Variants in CORO2B observed in about 807,000 individuals in gnomAD.
The protein encoded by CORO2B is coronin 2B.
CORO2B carries 26 observed loss-of-function variants against 58.8 expected under a neutral mutation model. That is an observed-to-expected ratio of 0.44 (90% CI 0.32 to 0.61). The LOEUF (loss-of-function observed/expected upper bound fraction) is 0.61, where lower values mean the gene tolerates loss of function less well. CORO2B is among the 20% of genes least tolerant of loss of function. The probability of loss-of-function intolerance (pLI) is 0.04; values close to 1 mark genes in which losing one functional copy is unlikely to be tolerated. For synonymous variants in CORO2B, 242 were observed against 253.8 expected (o/e 0.95, Z 0.44); for missense variants, 460 against 645.1 (o/e 0.71, Z 3.11).
intron 2 of CORO2B, among the ~76,000 whole-genome samples, chr15:68,651,602 T>C (rs1901644663): frequency 6.6e-6 from 1 of 152,202 alleles, no homozygotes; most frequent in African/African-American, 2.4e-5. Flanking sequence ...GACAGTCTTG[T>C]CCCTACGCTG....
At chr15:68,532,822 A>T in the CORO2B span, among the ~76,000 whole-genome samples, 1 of 152,204 alleles carries the variant, frequency 6.6e-6, no homozygotes, top group African/African-American at 2.4e-5. Context: ...TTAAATCTTT[A>T]TTAGGGCAGC....
intron 1 of CORO2B, among the ~76,000 whole-genome samples, chr15:68,588,894 G>A (rs190866593): frequency 7.4e-4 from 112 of 152,270 alleles, no homozygotes; most frequent in Non-Finnish European, 1.1e-3. Flanking sequence ...ACCTCCAGGT[G>A]AAAGACCAGC....
intron 2 of CORO2B, among the ~76,000 whole-genome samples, chr15:68,656,131 C>T (rs577812966): frequency 2.8e-4 from 43 of 151,426 alleles, no homozygotes; most frequent in African/African-American, 9.2e-4. Context: ...CCTCATGTCC[C>T]TGACTGCTGC....
At chr15:68,707,627 T>C in intron 3 of CORO2B, among the ~76,000 whole-genome samples, 1 of 152,086 alleles carries the variant, frequency 6.6e-6, no homozygotes, top group Non-Finnish European at 1.5e-5. Context: ...AAAAGCAAGT[T>C]GAAAAAGAAC....
intron 2 of CORO2B, among the ~76,000 whole-genome samples, chr15:68,676,593 A>G (rs141700557): frequency 6.6e-6 from 1 of 152,298 alleles, no homozygotes; most frequent in East Asian, 1.9e-4. Flanking sequence ...AGAGTCCATG[A>G]GACTCTCAAG....
At chr15:68,576,706 G>A (rs536523324), upstream of CORO2B, among the ~76,000 whole-genome samples, 1 of 152,326 alleles carries the variant, frequency 6.6e-6, no homozygotes, top group South Asian at 2.1e-4. Flanking sequence ...CAAGACAGCT[G>A]AGACAGGGAA....
chr15:68,698,119 C>T (rs1006226520), intron 3 of CORO2B, among the ~76,000 whole-genome samples: 1 of 152,178 alleles, frequency 6.6e-6, no homozygotes, highest in African/African-American at 2.4e-5. Context: ...ACTGCCACCC[C>T]CAAACTGAGG....
the CORO2B span, among the ~76,000 whole-genome samples, chr15:68,543,783 T>TTAGACCCTCCTGCCC: frequency 1.3e-5 from 2 of 152,142 alleles, no homozygotes; most frequent in African/African-American, 2.4e-5. Context: ...CCTTCCTGCC[T>TTAGACCCTCCTGCCC]TAGTCCCTCC....
intron 1 of CORO2B, among the ~76,000 whole-genome samples, chr15:68,612,969 C>T (rs1165935867): frequency 1.3e-5 from 2 of 152,222 alleles, no homozygotes; most frequent in Non-Finnish European, 2.9e-5. Context: ...GAGCCATTCA[C>T]TCCTATGGGA....
At chr15:68,584,255 G>A (rs1899500572) in intron 1 of CORO2B, among the ~76,000 whole-genome samples, 1 of 152,192 alleles carries the variant, frequency 6.6e-6, no homozygotes, top group Non-Finnish European at 1.5e-5. Context: ...CTCCCTCTAG[G>A]CAATGAAGCT....
chr15:68,541,202 T>A, the CORO2B span, among the ~76,000 whole-genome samples: 6 of 149,890 alleles, frequency 4.0e-5, no homozygotes, highest in Non-Finnish European at 8.9e-5. Flanking sequence ...GCCACTGCAC[T>A]CCAGCCTGGG....
intron 2 of CORO2B, among the ~76,000 whole-genome samples, chr15:68,691,684 A>G (rs1015092782): frequency 2.6e-5 from 4 of 151,464 alleles, no homozygotes; most frequent in African/African-American, 7.3e-5. Context: ...TTTTTAAGCA[A>G]TGGAGCTCAT....
At position 68,614,604 on chromosome 15, in the gene CORO2B, A is replaced by T. The variant is rs548779137; in HGVS notation, c.16-30556A>T. On this transcript the variant is annotated intron_variant, in intron 1 of 11. Coordinates refer to ENST00000261861, the MANE Select transcript of CORO2B (RefSeq NM_006091.5). ...TCCTGAATGACTTTAGAGGGTCATG[A>T]GAGGAAAGCCCCGGAGCCCTCACGG... Among the ~76,000 whole-genome samples, 15 of 152,304 alleles carry T rather than the reference A, an allele frequency of 9.8e-5. No individual in the cohort carries two copies. The South Asian group carries it at 3.1e-3, about 32-fold the overall frequency.
chr15:68,523,829 T>G, the CORO2B span, among the ~76,000 whole-genome samples: 1 of 152,220 alleles, frequency 6.6e-6, no homozygotes, highest in Non-Finnish European at 1.5e-5. Flanking sequence ...GACCAGATAT[T>G]GAGATCTTTC....
rs551539594 is a variant in CORO2B, at chr15:68,625,202, A to C, written c.16-19958A>C. Among the ~76,000 whole-genome samples, 4 of 151,952 alleles carry C rather than the reference A, an allele frequency of 2.6e-5. 1 individual carries two copies. In the South Asian group the frequency reaches 8.3e-4, roughly 32 times the overall value. The stretch of plus-strand genomic sequence containing the variant: ...CAGGGTTTAGGAATCTCTAAACTTG[A>C]AGCTTTTCCACAGTTTATTTTATGC... On this transcript the variant is annotated intron_variant, in intron 1 of 11. Transcript: ENST00000261861.
At chr15:68,630,695 A>C (rs953278597) in intron 1 of CORO2B, among the ~76,000 whole-genome samples, 2 of 152,128 alleles carry the variant, frequency 1.3e-5, no homozygotes, top group Non-Finnish European at 2.9e-5. Flanking sequence ...TTCAAACAAG[A>C]GTTGCGGAGG....
the CORO2B span, among the ~76,000 whole-genome samples, chr15:68,555,828 G>A: frequency 6.7e-6 from 1 of 150,016 alleles, no homozygotes; most frequent in Non-Finnish European, 1.5e-5. Context: ...AGGGGGACAG[G>A]CACAGGGGTC....
the CORO2B span, among the ~76,000 whole-genome samples, chr15:68,550,403 G>A: frequency 2.6e-5 from 4 of 152,148 alleles, no homozygotes; most frequent in Non-Finnish European, 4.4e-5. Context: ...GATCTCTGGA[G>A]CTAAGGAGTC....
chr15:68,622,351 G>A (rs569663357), intron 1 of CORO2B, among the ~76,000 whole-genome samples: 10 of 152,272 alleles, frequency 6.6e-5, no homozygotes, highest in Admixed American at 1.3e-4. Context: ...TCCCTTGAGC[G>A]TGAGCTGACT....
Sources: allele counts gnomAD v4.1 joint callset (sites outside exome capture counted in the v4.1 genomes callset), GRCh38; gene constraint gnomAD v4.1.1; transcripts MANE v1.5; gene names NCBI Gene and HGNC (gene_info 2026-07-23, HGNC 2026-07-21).